Variants in PKHD1L1 observed in about 807,000 individuals in gnomAD.
PKHD1L1 encodes the protein fibrocystin-L.
Under a neutral mutation model 462.9 loss-of-function variants are expected in PKHD1L1, and 434 were observed. That is an observed-to-expected ratio of 0.94 (90% CI 0.87 to 1.02). The LOEUF (loss-of-function observed/expected upper bound fraction) is 1.02. PKHD1L1 is among the 50% of genes least tolerant of loss of function. The pLI is 0.00. For missense variants in PKHD1L1, 5,202 were observed against 5,096.1 expected, an observed-to-expected ratio of 1.02 and a Z score of -0.63; for synonymous variants, 1,781 against 1,750.0, an observed-to-expected ratio of 1.02 and a Z score of -0.44.
chr8:109,382,711 C>T, intron 4 of PKHD1L1, 140 bp downstream of exon 4: 1 of 526,666 alleles, frequency 1.9e-6, no homozygotes, highest in Non-Finnish European at 3.2e-6. Context: ...TAATTTCCCT[C>T]AATTTAAATT....
chr8:109,414,909 G>C (rs1814054182), intron 21 of PKHD1L1, among the ~76,000 whole-genome samples: 1 of 151,658 alleles, frequency 6.6e-6, no homozygotes, highest in Non-Finnish European at 1.5e-5. Context: ...TGATGCAAAA[G>C]CTGCTGCTCA....
chr8:109,470,718 C>T, intron 50 of PKHD1L1: 1 of 1,573,400 alleles, frequency 6.4e-7, no homozygotes, highest in Non-Finnish European at 8.7e-7. Flanking sequence ...AATTAGAAGC[C>T]TTGTACCAAT....
chr8:109,483,252 A>G, intron 57 of PKHD1L1, 147 bp downstream of exon 57: 1 of 550,068 alleles, frequency 1.8e-6, no homozygotes, highest in Non-Finnish European at 3.0e-6. Context: ...GCAAAAATGT[A>G]TCCGATAGGA....
At chr8:109,402,715 CTTT>C (rs1485920093) in intron 14 of PKHD1L1, among the ~76,000 whole-genome samples, 1 of 152,058 alleles carries the variant, frequency 6.6e-6, no homozygotes, top group Non-Finnish European at 1.5e-5. Context: ...GTGCTTTTTT[CTTT>C]TAAGTTTACC....
In PKHD1L1 at chr8:109,420,694, A is replaced by C; in HGVS notation, c.2697+4A>C. The C allele has an allele frequency of 6.5e-7, 1 of 1,528,836 alleles. No homozygotes were observed. The highest frequency in any genetic ancestry group is 8.7e-7 in the Non-Finnish European group (1 of 1,143,712). The allele number at this position is 1,528,836 out of a possible 1,614,324, so 94.7% of individuals were successfully genotyped here. On this transcript the variant is annotated splice_donor_region_variant and intron_variant, in intron 23 of 77. Transcript: ENST00000378402. Reference sequence around the variant, plus strand: ...GATGGCTGTGAGCTTTGGGCAGGTAAGCCTAGAATTTTGCATTAATTTTTA... The same window carrying C: ...GATGGCTGTGAGCTTTGGGCAGGTACGCCTAGAATTTTGCATTAATTTTTA...
rs544422788 is a variant in PKHD1L1, at chr8:109,464,235, C to A, written c.7403C>A (p.Ala2468Asp). Residue 2468 changes from alanine (A) to aspartate (D), a missense_variant, in exon 49 of 78, where the codon GCT (alanine) becomes GAT (aspartate). Transcript: ENST00000378402. ...TAACAGGTATTCCATGCTGGCCAGG[C>A]TTTCCGGTTGGGGCGATATCCAATA... is the stretch of plus-strand genomic sequence containing the variant. Reference protein sequence around the residue: ...EYVEVFHAGQAFRLGRYPIHW... With the variant: ...EYVEVFHAGQDFRLGRYPIHW... The A allele has an allele frequency of 5.0e-6, 8 of 1,599,218 alleles. No individual in the cohort carries two copies. The highest frequency in any genetic ancestry group is 6.8e-6 in the Non-Finnish European group (8 of 1,168,624).
intron 21 of PKHD1L1, among the ~76,000 whole-genome samples, chr8:109,415,366 T>C (rs758522165): frequency 1.3e-5 from 2 of 152,188 alleles, no homozygotes; most frequent in East Asian, 1.9e-4. Flanking sequence ...GAAATTCATA[T>C]ACTCTAAAAA....
chr8:109,400,415 A>G, intron 13 of PKHD1L1, 71 bp downstream of exon 13: 1 of 1,465,262 alleles, frequency 6.8e-7, no homozygotes. Flanking sequence ...ATCTTACTCT[A>G]AATCAAAACG....
chr8:109,432,265 A>T (rs1010029399), intron 27 of PKHD1L1, among the ~76,000 whole-genome samples: 8 of 152,160 alleles, frequency 5.3e-5, no homozygotes, highest in African/African-American at 1.9e-4. Context: ...AAAAGATTTA[A>T]GTCATTGATT....
At chr8:109,402,028 T>C (rs994708811) in intron 14 of PKHD1L1, among the ~76,000 whole-genome samples, 7 of 152,140 alleles carry the variant, frequency 4.6e-5, no homozygotes, top group African/African-American at 1.4e-4. Flanking sequence ...ACTGGAAATT[T>C]AAGAATATTA....
At chr8:109,465,663 G>A (rs962796134) in intron 49 of PKHD1L1, among the ~76,000 whole-genome samples, 2 of 152,044 alleles carry the variant, frequency 1.3e-5, no homozygotes, top group Admixed American at 1.3e-4. Flanking sequence ...ATAAATTGCA[G>A]GCTTATTTAC....
chr8:109,389,032 A>T (rs1256652961), intron 7 of PKHD1L1, 47 bp from the exon 8 acceptor site: 1 of 1,247,322 alleles, frequency 8.0e-7, no homozygotes, highest in African/African-American at 1.6e-5. Flanking sequence ...AATATTCTAA[A>T]ATTTTAGTGT....
rs186983306 is a variant in PKHD1L1, at chr8:109,536,966, T to G, written c.*6876T>G. On this transcript the variant is annotated 3_prime_UTR_variant, in exon 78 of 78. Coordinates refer to ENST00000378402, the MANE Select transcript of PKHD1L1 (RefSeq NM_177531.6). ...TTGAGTATTAAAAAAGAAGTTATAA[T>G]TTTCCAGAATATTAATGTTTATTAT... Among the ~76,000 whole-genome samples, 1 of 152,308 alleles carries G rather than the reference T, an allele frequency of 6.6e-6. No individual in the cohort carries two copies. The highest frequency in any genetic ancestry group is 1.5e-5 in the Non-Finnish European group (1 of 68,026).
In PKHD1L1 at chr8:109,452,756, C is replaced by T. The variant is rs1382967556; in HGVS notation, c.6546C>T (p.Ser2182=). 1.9e-6 allele frequency: 3 copies of T among 1,542,180 alleles called. No homozygotes were observed. In the African/African-American group the frequency reaches 4.2e-5, roughly 21 times the overall value. ...TTCTTTATGTTGATGCCTGGTCCTC[C>T]AATTTCTCATGGGGGGGAAAATCTC... ...ADFLYVDAWS[S]NFSWGGKSPP... is the part of the protein sequence containing the mutation. Residue 2182 remains serine, a synonymous_variant, in exon 43 of 78, where the codon TCC becomes TCT. Transcript: ENST00000378402.
chr8:109,416,755 G>T (rs373650244), intron 21 of PKHD1L1, among the ~76,000 whole-genome samples: 1 of 152,104 alleles, frequency 6.6e-6, no homozygotes, highest in African/African-American at 2.4e-5. Context: ...AGGTGGCAAG[G>T]AGCATGAAAA....
chr8:109,385,652 A>G (rs1812402662), intron 6 of PKHD1L1, 22 bp downstream of exon 6: 2 of 1,429,858 alleles, frequency 1.4e-6, no homozygotes. Context: ...ATGTGGAAAT[A>G]TATTCTTATA....
At chr8:109,453,805 T>C (rs1816670847) in intron 43 of PKHD1L1, among the ~76,000 whole-genome samples, 1 of 152,190 alleles carries the variant, frequency 6.6e-6, no homozygotes, top group African/African-American at 2.4e-5. Context: ...ATGCTTTTCT[T>C]TAATTGCTTT....
At chr8:109,380,140 T>C (rs1812036681) in intron 2 of PKHD1L1, among the ~76,000 whole-genome samples, 1 of 152,202 alleles carries the variant, frequency 6.6e-6, no homozygotes, top group Non-Finnish European at 1.5e-5. Context: ...TTAGGACTAA[T>C]TATAGAGTAG....
At chr8:109,481,664 A>G (rs1818282597) in intron 56 of PKHD1L1, 102 bp downstream of exon 56, 1 of 1,116,194 alleles carries the variant, frequency 9.0e-7, no homozygotes, top group Non-Finnish European at 1.2e-6. Context: ...TAAATACTTT[A>G]TCATAAAAAG....
Sources: gnomAD v4.1 joint callset for allele counts (sites outside exome capture counted in the v4.1 genomes callset) on GRCh38, gnomAD v4.1.1 for gene constraint, MANE v1.5 for transcripts, NCBI Gene and HGNC (gene_info 2026-07-23, HGNC 2026-07-21) for gene names.